Variants in PTGFR observed in about 807,000 individuals in gnomAD.
PTGFR encodes prostaglandin F receptor.
A neutral mutation model predicts 26.2 loss-of-function variants in PTGFR; 15 were observed. That is an observed-to-expected ratio of 0.57 (90% CI 0.38 to 0.88). The LOEUF (loss-of-function observed/expected upper bound fraction) is 0.88, where lower values mean the gene tolerates loss of function less well. Ranked by LOEUF, PTGFR falls within the 40% of genes least tolerant of loss-of-function variation. The pLI, the probability that PTGFR is intolerant of heterozygous loss-of-function variation, is 0.00. For synonymous variants in PTGFR, 165 were observed against 151.1 expected, an observed-to-expected ratio of 1.09 and a Z score of -0.68; for missense variants, 369 against 427.2, an observed-to-expected ratio of 0.86 and a Z score of 1.20.
At chr1:78,529,186 G>T (rs1246506712) in intron 2 of PTGFR, among the ~76,000 whole-genome samples, 1 of 152,164 alleles carries the variant, frequency 6.6e-6, no homozygotes, top group Non-Finnish European at 1.5e-5. Flanking sequence ...AGGAGAGATG[G>T]TTTACTGAAA....
At chr1:78,515,031 T>A (rs1392837047) in intron 2 of PTGFR, among the ~76,000 whole-genome samples, 3 of 152,148 alleles carry the variant, frequency 2.0e-5, no homozygotes, top group African/African-American at 7.2e-5. Flanking sequence ...CTTTATAAAT[T>A]ACGCAGTTTC....
chr1:78,501,161 A>G (rs567867022), intron 2 of PTGFR, among the ~76,000 whole-genome samples: 2 of 152,336 alleles, frequency 1.3e-5, no homozygotes, highest in South Asian at 2.1e-4. Flanking sequence ...CTTCTGGCTT[A>G]AAGGGTTTTG....
rs1203045850 is a variant in PTGFR, at chr1:78,540,545, G to T, written c.*3858G>T. Among the ~76,000 whole-genome samples, 1 of 152,042 alleles carries T rather than the reference G, an allele frequency of 6.6e-6. No individual in the cohort carries two copies. Among genetic ancestry groups the T allele is most frequent in the Non-Finnish European group, 1.5e-5 (1 of 67,964 alleles). On this transcript the variant is annotated 3_prime_UTR_variant, in exon 3 of 3. Coordinates refer to ENST00000370757, the MANE Select transcript of PTGFR (RefSeq NM_000959.4). ...ATAAGGTAGAATAAATGAACTAAAAGAAATTTTAGATGACTAAAAGGACTA... is the reference window on the plus strand; with the variant it reads ...ATAAGGTAGAATAAATGAACTAAAATAAATTTTAGATGACTAAAAGGACTA...
intron 2 of PTGFR, among the ~76,000 whole-genome samples, chr1:78,519,507 A>G (rs762644104): frequency 2.0e-5 from 3 of 152,088 alleles, no homozygotes; most frequent in Non-Finnish European, 4.4e-5. Context: ...TATGGCCATG[A>G]TTCCATTTGG....
intron 2 of PTGFR, among the ~76,000 whole-genome samples, chr1:78,496,086 T>G (rs569861503): frequency 6.6e-6 from 1 of 152,238 alleles, no homozygotes; most frequent in South Asian, 2.1e-4. Flanking sequence ...TTATGGAGAG[T>G]TGAGTCTTCA....
At chr1:78,519,434 G>T (rs1650172159) in intron 2 of PTGFR, among the ~76,000 whole-genome samples, 1 of 152,018 alleles carries the variant, frequency 6.6e-6, no homozygotes, top group South Asian at 2.1e-4. Context: ...GATAATCTTA[G>T]TTTTCACATA....
chr1:78,507,622 T>C (rs1570278266), intron 2 of PTGFR, among the ~76,000 whole-genome samples: 1 of 152,164 alleles, frequency 6.6e-6, no homozygotes, highest in African/African-American at 2.4e-5. Flanking sequence ...ATTTGTAAAA[T>C]GTTGAATAAA....
chr1:78,521,956 G>A (rs189122732), intron 2 of PTGFR, among the ~76,000 whole-genome samples: 3 of 152,210 alleles, frequency 2.0e-5, no homozygotes, highest in Admixed American at 2.0e-4. Context: ...CAGTTCTGTA[G>A]GTCAGAAATC....
At chr1:78,505,677 T>C (rs911292923) in intron 2 of PTGFR, among the ~76,000 whole-genome samples, 1 of 152,182 alleles carries the variant, frequency 6.6e-6, no homozygotes. Context: ...GAAAACCCTA[T>C]ATCCATCAGG....
chr1:78,515,071 A>G lies in PTGFR; in HGVS notation c.799-21335A>G, dbSNP rs925696544. On this transcript the variant is annotated intron_variant, in intron 2 of 2. Transcript: ENST00000370757. ...ATTTTTTTTTTATAGCAGTGTAAAA[A>G]TGGACTAACACAATGGGGACCACAT... Among the ~76,000 whole-genome samples, 10 of 152,276 alleles carry G rather than the reference A, an allele frequency of 6.6e-5. No homozygotes were observed. In the East Asian group the frequency reaches 1.9e-3, roughly 29 times the overall value.
chr1:78,518,933 C>T (rs1001928489), intron 2 of PTGFR, among the ~76,000 whole-genome samples: 2 of 152,108 alleles, frequency 1.3e-5, no homozygotes, highest in Non-Finnish European at 2.9e-5. Flanking sequence ...TCTGACTTGT[C>T]TGAGTCAAGG....
In PTGFR at chr1:78,525,709, C is replaced by T. The variant is rs535507272; in HGVS notation, c.799-10697C>T. ...CACATGGTTGGTCTTTCAAGTATGG[C>T]CAGTCCCCATCCTGAAATTATTTAG... On this transcript the variant is annotated intron_variant, in intron 2 of 2. Coordinates refer to ENST00000370757, the MANE Select transcript of PTGFR (RefSeq NM_000959.4). Among the ~76,000 whole-genome samples the T allele has an allele frequency of 7.9e-5, 12 of 152,112 alleles. No homozygotes were observed. The East Asian group carries it at 2.3e-3, about 29-fold the overall frequency.
At chr1:78,510,667 C>G (rs1649944847) in intron 2 of PTGFR, among the ~76,000 whole-genome samples, 1 of 152,104 alleles carries the variant, frequency 6.6e-6, no homozygotes, top group Non-Finnish European at 1.5e-5. Context: ...AATCTCATAT[C>G]CTACTCGTAC....
At position 78,499,907 on chromosome 1, in the gene PTGFR, C is replaced by A. The variant is rs530662777; in HGVS notation, c.798+6366C>A. Among the ~76,000 whole-genome samples the A allele has an allele frequency of 8.5e-5, 13 of 152,120 alleles. No homozygotes were observed. In the South Asian group the frequency reaches 2.5e-3, roughly 29 times the overall value. On this transcript the variant is annotated intron_variant, in intron 2 of 2. Coordinates refer to ENST00000370757, the MANE Select transcript of PTGFR (RefSeq NM_000959.4). ...ATTTCAAATATAATGAGCCATTAAT[C>A]GATGTTTATTGAATGAATAAAATAA...
At chr1:78,532,233 A>T (rs1386530542) in intron 2 of PTGFR, 1 of 412,104 alleles carries the variant, frequency 2.4e-6, no homozygotes, top group South Asian at 1.7e-5. Context: ...CTCAACGAGA[A>T]ATGACAGAAA....
chr1:78,501,311 A>G (rs1276572299), intron 2 of PTGFR, among the ~76,000 whole-genome samples: 10 of 152,154 alleles, frequency 6.6e-5, no homozygotes, highest in Non-Finnish European at 1.2e-4. Flanking sequence ...TTCCATTTAT[A>G]TTTGTTTTGG....
At chr1:78,493,681 T>A in intron 2 of PTGFR, 140 bp downstream of exon 2, 1 of 794,012 alleles carries the variant, frequency 1.3e-6, no homozygotes, top group South Asian at 2.4e-5. Flanking sequence ...GGCTTAGAAT[T>A]ACATGACATA....
At chr1:78,513,435 T>C (rs1288687881) in intron 2 of PTGFR, among the ~76,000 whole-genome samples, 3 of 152,316 alleles carry the variant, frequency 2.0e-5, no homozygotes, top group African/African-American at 4.8e-5. Flanking sequence ...GAAATTTGAA[T>C]TTAAAAGTGA....
Position 78,531,857 on chromosome 1 carries a change from A to C in PTGFR, c.799-4549A>C, listed in dbSNP as rs117877146. ...AGTTAAAGACATAGTTCCTACCCTC[A>C]AGACACAAGGGACTATTATACATAT... On this transcript the variant is annotated intron_variant, in intron 2 of 2. Transcript: ENST00000370757. Among the ~76,000 whole-genome samples the C allele has an allele frequency of 5.3e-5, 8 of 152,200 alleles. No homozygotes were observed. The East Asian group carries it at 1.5e-3, about 29-fold the overall frequency.
Sources: allele counts gnomAD v4.1 joint callset (sites outside exome capture counted in the v4.1 genomes callset), GRCh38; gene constraint gnomAD v4.1.1; transcripts MANE v1.5; gene names NCBI Gene and HGNC (gene_info 2026-07-23, HGNC 2026-07-21).